IQSEC1: variants seen among roughly 807,000 people sequenced by gnomAD.
IQSEC1 encodes the protein IQ motif and Sec7 domain ArfGEF 1, also known as IQ motif and SEC7 domain-containing protein 1.
In IQSEC1, 31 loss-of-function variants were observed where a neutral mutation model predicts 91.0. That is an observed-to-expected ratio of 0.34 (90% CI 0.26 to 0.46). The LOEUF is 0.46. Among genes scored for constraint, IQSEC1 ranks in the 20% least tolerant of loss-of-function variants. The pLI is 1.00. For synonymous variants in IQSEC1, 699 were observed against 662.6 expected, an observed-to-expected ratio of 1.05 and a Z score of -0.84; for missense variants, 1,388 against 1,575.6, an observed-to-expected ratio of 0.88 and a Z score of 2.02.
chr3:13,137,745 C>T (rs1361644896), intron 2 of IQSEC1, among the ~76,000 whole-genome samples: 3 of 152,160 alleles, frequency 2.0e-5, no homozygotes, highest in Non-Finnish European at 4.4e-5. Flanking sequence ...ATCGCTTGAG[C>T]GCAGGAGTTG....
At chr3:13,277,794 C>T (rs1695718616) in intron 1 of IQSEC1, among the ~76,000 whole-genome samples, 1 of 152,228 alleles carries the variant, frequency 6.6e-6, no homozygotes, top group Non-Finnish European at 1.5e-5. Context: ...AAAGAGCCCT[C>T]TCGGCCTCAC....
At chr3:13,052,183 C>A (rs1344650858) in intron 1 of IQSEC1, among the ~76,000 whole-genome samples, 2 of 152,232 alleles carry the variant, frequency 1.3e-5, no homozygotes, top group Admixed American at 6.5e-5. Flanking sequence ...GCTCTCCGGG[C>A]ACCCTCTGTA....
chr3:12,928,337 C>A (rs1298189078), intron 3 of IQSEC1, among the ~76,000 whole-genome samples: 2 of 152,146 alleles, frequency 1.3e-5, no homozygotes, highest in Admixed American at 1.3e-4. Context: ...TGGATTCCAC[C>A]CGGCAGGCCT....
intron 1 of IQSEC1, among the ~76,000 whole-genome samples, chr3:13,063,685 C>A (rs1023315510): frequency 1.3e-5 from 2 of 152,218 alleles, no homozygotes; most frequent in African/African-American, 4.8e-5. Context: ...AACTCAGAAC[C>A]CCTGGGGGCC....
In IQSEC1 at chr3:12,936,267, T is replaced by C. The variant is rs1233227066; in HGVS notation, c.749A>G (p.His250Arg). ...IDDALNCRSL[H>R]TEEAPALDAA... ...ATCCAGGGCCGGTGCCTCCTCAGTG[T>C]GCAGGCTGCGGCAGTTGAGGGCATC... The change falls in exon 3 of 14, where the codon CAC becomes CGC. Residue 250 changes from histidine (H) to arginine (R), a missense_variant. By Grantham distance (29) the His-to-Arg change is conservative. Coordinates refer to ENST00000613206, the MANE Select transcript of IQSEC1 (RefSeq NM_001134382.3). The C allele has an allele frequency of 1.9e-6, 3 of 1,613,234 alleles. No individual in the cohort carries two copies. Among genetic ancestry groups the C allele is most frequent in the Non-Finnish European group, 2.5e-6 (3 of 1,179,990 alleles).
chr3:12,902,911 T>A, intron 12 of IQSEC1, 89 bp from the exon 13 acceptor site: 1 of 988,472 alleles, frequency 1.0e-6, no homozygotes, highest in Non-Finnish European at 1.6e-6. Context: ...CCACGGAGCC[T>A]GCACCCCTGC....
chr3:13,140,367 C>G (rs1037087518), intron 2 of IQSEC1, among the ~76,000 whole-genome samples: 2 of 152,200 alleles, frequency 1.3e-5, no homozygotes, highest in African/African-American at 4.8e-5. Context: ...TTCAAAGAAG[C>G]CTGAGCTACA....
At chr3:13,204,574 CGGA>C (rs1559276970) in intron 1 of IQSEC1, among the ~76,000 whole-genome samples, 1 of 152,182 alleles carries the variant, frequency 6.6e-6, no homozygotes. Flanking sequence ...GCAATGGGGA[CGGA>C]GGCGCTCAGC....
intron 9 of IQSEC1, among the ~76,000 whole-genome samples, chr3:12,912,202 G>T (rs145237033): frequency 6.6e-6 from 1 of 152,212 alleles, no homozygotes; most frequent in East Asian, 1.9e-4. Flanking sequence ...CAGCTGGCCC[G>T]CCACGGTCCT....
At position 13,073,371 on chromosome 3, in the gene IQSEC1, C is replaced by A. The variant is rs529530049; in HGVS notation, c.-357G>T. 8.2e-3 allele frequency among the ~76,000 whole-genome samples: 1,247 copies of A among 152,284 alleles called. 16 individuals are homozygous for A. The highest frequency in any genetic ancestry group is 0.027 in the African/African-American group (1,142 of 41,576). The stretch of plus-strand genomic sequence containing the variant: ...TCCCGTCCATCCGGGGTGCGGGGCG[C>A]GGGGATGAGGAGGGGAGGGTCGAGA... On this transcript the variant is annotated 5_prime_UTR_variant, in exon 1 of 14. Transcript: ENST00000613206.
chr3:12,925,098 C>T (rs978012171), intron 3 of IQSEC1, among the ~76,000 whole-genome samples: 4 of 152,190 alleles, frequency 2.6e-5, no homozygotes, highest in African/African-American at 9.7e-5. Context: ...GACCGTCACT[C>T]CCCTGCCCTG....
intron 1 of IQSEC1, among the ~76,000 whole-genome samples, chr3:13,271,776 C>G (rs142057813): frequency 6.6e-6 from 1 of 152,272 alleles, no homozygotes; most frequent in East Asian, 1.9e-4. Context: ...ACCTGGATGA[C>G]AGAGCAAGAC....
intron 1 of IQSEC1, among the ~76,000 whole-genome samples, chr3:13,267,109 T>C (rs750822374): frequency 1.1e-4 from 17 of 151,834 alleles, no homozygotes; most frequent in Non-Finnish European, 2.2e-4. Context: ...GGTGGTGAGG[T>C]CATGAGGGCA....
Position 12,908,632 on chromosome 3 carries a change from T to C in IQSEC1, c.2579-107A>G. On this transcript the variant is annotated intron_variant, in intron 11 of 13. Coordinates refer to ENST00000613206, the MANE Select transcript of IQSEC1 (RefSeq NM_001134382.3). This position sits in a 1 kb window ranked among gnomAD's most constrained non-coding sequence, Gnocchi z 4.9. ...GCACTGTCCTGAGCCACCATCTGCT[T>C]GGAATGGGGAAGGGTTGTTTCTGGG... is the stretch of plus-strand genomic sequence containing the variant. The C allele has an allele frequency of 8.2e-7, 1 of 1,216,514 alleles. No individual in the cohort carries two copies. The highest frequency in any genetic ancestry group is 1.2e-6 in the Non-Finnish European group (1 of 853,446). The allele number at this position is 1,216,514 out of a possible 1,614,324, so 75.4% of individuals were successfully genotyped here.
chr3:13,073,707 T>C (rs2125119151), upstream of IQSEC1, among the ~76,000 whole-genome samples: 1 of 152,376 alleles, frequency 6.6e-6, no homozygotes, highest in Admixed American at 6.5e-5. Flanking sequence ...GCGGCTTTTC[T>C]GCCTTCGGCA....
chr3:13,055,821 G>A (rs983765025), intron 1 of IQSEC1, among the ~76,000 whole-genome samples: 26 of 152,094 alleles, frequency 1.7e-4, no homozygotes, highest in Admixed American at 1.3e-4. Flanking sequence ...GAGTGACCTC[G>A]GAACATCCTG....
At position 12,899,309 on chromosome 3, in the gene IQSEC1, A is replaced by G. The variant is rs904085877; in HGVS notation, c.*1674T>C. On this transcript the variant is annotated 3_prime_UTR_variant, in exon 14 of 14. Transcript: ENST00000613206. ...CTGGGAACGCGGCCCCGCGGCCCGC[A>G]GAGTCAGGCGTGAGCTTCGCCCTTT... The G allele has an allele frequency of 1.0e-4, 153 of 1,503,218 alleles. No homozygotes were observed. Among genetic ancestry groups the G allele is most frequent in the Non-Finnish European group, 1.0e-4 (111 of 1,094,836 alleles). The allele number at this position is 1,503,218 out of a possible 1,614,324, so 93.1% of individuals were successfully genotyped here.
chr3:13,148,503 T>G (rs1446012514), intron 2 of IQSEC1, among the ~76,000 whole-genome samples: 2 of 152,234 alleles, frequency 1.3e-5, no homozygotes, highest in Non-Finnish European at 2.9e-5. Context: ...TTCTAACACT[T>G]AAGAAGTGAA....
intron 1 of IQSEC1, among the ~76,000 whole-genome samples, chr3:13,220,771 A>T (rs375094264): frequency 3.5e-4 from 53 of 152,276 alleles, no homozygotes; most frequent in African/African-American, 1.3e-3. Flanking sequence ...CCGCCTGGAC[A>T]CTCACGTCCC....
Sources: allele counts gnomAD v4.1 joint callset (sites outside exome capture counted in the v4.1 genomes callset), GRCh38; gene constraint gnomAD v4.1.1; non-coding constraint Gnocchi (gnomAD v3.1); transcripts MANE v1.5; gene names NCBI Gene and HGNC (gene_info 2026-07-23, HGNC 2026-07-21).